Variants in FBXO36 observed in about 807,000 individuals in gnomAD.
The protein encoded by FBXO36 is F-box only protein 36.
A neutral mutation model predicts 17.0 loss-of-function variants in FBXO36; 18 were observed. The observed-to-expected ratio is 1.06, with a 90% CI of 0.73 to 1.57. FBXO36 has a LOEUF of 1.57. FBXO36 is among the 40% of genes most tolerant of loss of function. The probability of loss-of-function intolerance (pLI) is 0.00; values close to 1 mark genes in which losing one functional copy is unlikely to be tolerated. For missense variants in FBXO36, 229 were observed against 221.9 expected, an observed-to-expected ratio of 1.03 and a Z score of -0.20; for synonymous variants, 83 against 85.3, an observed-to-expected ratio of 0.97 and a Z score of 0.15.
intron 2 of FBXO36, among the ~76,000 whole-genome samples, chr2:229,990,488 A>T (rs2077292850): frequency 6.6e-6 from 1 of 152,090 alleles, no homozygotes; most frequent in African/African-American, 2.4e-5. Context: ...TAATTTCTAT[A>T]CTTTTGAGAT....
rs927453995 is a variant in FBXO36 at position 229,984,446 on chromosome 2, A to G, written c.205+8097A>G. ...CGCTCTGTCGCCCGGGCTGGAGTGC[A>G]GTGGCGTGATCTCGGCTCACTGCAA... On this transcript the variant is annotated intron_variant, in intron 2 of 3. Transcript: ENST00000283946. 3.2e-5 allele frequency among the ~76,000 whole-genome samples: 3 copies of G among 93,292 alleles called. No individual in the cohort carries two copies. In the East Asian group the frequency reaches 1.1e-3, roughly 34 times the overall value. 61.2% of individuals were successfully genotyped at this position (93,292 alleles called of 152,430 possible). A position where few individuals can be genotyped will look rare whatever the true frequency, so the allele number is the denominator to read the frequency against.
At chr2:229,997,152 G>A (rs1174083393) in intron 3 of FBXO36, among the ~76,000 whole-genome samples, 1 of 151,920 alleles carries the variant, frequency 6.6e-6, no homozygotes, top group Non-Finnish European at 1.5e-5. Flanking sequence ...TTCAACAAGG[G>A]ATGTGTATGC....
Position 229,976,361 on chromosome 2 carries a change from A to G in FBXO36, c.205+12A>G. The G allele has an allele frequency of 1.3e-6, 2 of 1,543,560 alleles. No homozygotes were observed. Among genetic ancestry groups the G allele is most frequent in the South Asian group, 1.1e-5 (1 of 89,438 alleles). ...TTCACATCTTCAAGGTAAGGAACGGAACATATTATATACCCCTGTTAAGTT... is the reference window on the plus strand; with the variant it reads ...TTCACATCTTCAAGGTAAGGAACGGGACATATTATATACCCCTGTTAAGTT... On this transcript the variant is annotated intron_variant, in intron 2 of 3. Transcript: ENST00000283946.
intron 1 of FBXO36, among the ~76,000 whole-genome samples, chr2:229,941,740 G>A (rs1215294814): frequency 6.6e-6 from 1 of 152,168 alleles, no homozygotes; most frequent in African/African-American, 2.4e-5. Context: ...TTTCAGGCCT[G>A]GCGCGGTAGC....
At chr2:229,987,682 G>A (rs1347191186) in intron 2 of FBXO36, among the ~76,000 whole-genome samples, 2 of 151,888 alleles carry the variant, frequency 1.3e-5, no homozygotes, top group African/African-American at 4.8e-5. Flanking sequence ...CCAGGCTGGA[G>A]TGCAGTGGTG....
intron 3 of FBXO36, 90 bp downstream of exon 3, chr2:229,997,013 A>T: frequency 8.5e-7 from 1 of 1,183,108 alleles, no homozygotes; most frequent in Non-Finnish European, 1.2e-6. Context: ...TTGAGTACTA[A>T]CTTTGTGATG....
chr2:229,992,911 G>A (rs1259736050), intron 2 of FBXO36, among the ~76,000 whole-genome samples: 1 of 152,100 alleles, frequency 6.6e-6, no homozygotes, highest in Non-Finnish European at 1.5e-5. Flanking sequence ...TTGGCAGGAG[G>A]TTTCAATTTC....
intron 1 of FBXO36, among the ~76,000 whole-genome samples, chr2:229,972,463 GT>G (rs2077185756): frequency 6.6e-6 from 1 of 152,180 alleles, no homozygotes; most frequent in South Asian, 2.1e-4. Flanking sequence ...AAAAAATATG[GT>G]TCTGACCTCC....
Position 229,970,631 on chromosome 2 carries a change from C to A in FBXO36, c.97-5610C>A, listed in dbSNP as rs529900740. On this transcript the variant is annotated intron_variant, in intron 1 of 3. Coordinates refer to ENST00000283946, the MANE Select transcript of FBXO36 (RefSeq NM_174899.5). ...CTGTTATCACCAATGTTCTTGATGT[C>A]ACAGAGGACAATATTCCGTGTGAAA... is the stretch of plus-strand genomic sequence containing the variant. Among the ~76,000 whole-genome samples the A allele has an allele frequency of 2.6e-5, 4 of 152,236 alleles. No individual in the cohort carries two copies. In the South Asian group the frequency reaches 8.3e-4, roughly 32 times the overall value.
At chr2:230,005,136 G>A (rs763191429) in intron 3 of FBXO36, among the ~76,000 whole-genome samples, 2 of 152,082 alleles carry the variant, frequency 1.3e-5, no homozygotes, top group South Asian at 2.1e-4. Context: ...TCATCTTGCT[G>A]TGTCACCCAG....
At chr2:229,990,263 A>C (rs1228276788) in intron 2 of FBXO36, among the ~76,000 whole-genome samples, 1 of 149,262 alleles carries the variant, frequency 6.7e-6, no homozygotes, top group Non-Finnish European at 1.5e-5. Flanking sequence ...TAATATATAT[A>C]ACACACACAC....
intron 3 of FBXO36, among the ~76,000 whole-genome samples, chr2:230,000,515 T>A (rs931676138): frequency 1.3e-5 from 2 of 152,046 alleles, no homozygotes; most frequent in Non-Finnish European, 2.9e-5. Context: ...ATCCTTCCAT[T>A]TACTTTCAGT....
chr2:229,977,565 C>A (rs2077215931), intron 2 of FBXO36, among the ~76,000 whole-genome samples: 1 of 152,096 alleles, frequency 6.6e-6, no homozygotes, highest in South Asian at 2.1e-4. Context: ...ATTCTTGTGC[C>A]TCAGCCTCCC....
intron 1 of FBXO36, among the ~76,000 whole-genome samples, chr2:229,974,416 A>G (rs143771431): frequency 2.9e-4 from 44 of 152,306 alleles, no homozygotes; most frequent in African/African-American, 1.0e-3. Flanking sequence ...GCGTCCCTCC[A>G]GTGGCCATTG....
Position 229,958,460 on chromosome 2 carries a change from G to A in FBXO36, c.97-17781G>A, listed in dbSNP as rs545174437. On this transcript the variant is annotated intron_variant, in intron 1 of 3. Transcript: ENST00000283946. ...TAATTTTTGTATTTTTAGTAGAGAC[G>A]GGGTTTCAACATATTGGCCAGGCTG... Among the ~76,000 whole-genome samples, 49 of 152,000 alleles carry A rather than the reference G, an allele frequency of 3.2e-4. 1 individual carries two copies. The highest frequency in any genetic ancestry group is 1.1e-3 in the African/African-American group (47 of 41,478).
intron 1 of FBXO36, among the ~76,000 whole-genome samples, chr2:229,965,147 C>CTT (rs34600346): frequency 0.014 from 1,637 of 121,150 alleles, 48 homozygotes; most frequent in Non-Finnish European, 0.02. Flanking sequence ...TTCTTCCTTC[C>CTT]TTTTTTTTTT....
chr2:229,955,647 C>G (rs1421038113), intron 1 of FBXO36, among the ~76,000 whole-genome samples: 2 of 152,092 alleles, frequency 1.3e-5, no homozygotes, highest in Non-Finnish European at 2.9e-5. Context: ...AAAACAATGC[C>G]CTCTGTGTTT....
intron 1 of FBXO36, among the ~76,000 whole-genome samples, chr2:229,953,512 C>A (rs1414009699): frequency 1.3e-5 from 2 of 150,836 alleles, no homozygotes; most frequent in Non-Finnish European, 3.0e-5. Context: ...CTCATCTCTA[C>A]CAAAAATTAA....
At chr2:229,927,070 G>C (rs2076916769) in intron 1 of FBXO36, among the ~76,000 whole-genome samples, 1 of 149,268 alleles carries the variant, frequency 6.7e-6, no homozygotes, top group Admixed American at 6.7e-5. Context: ...ATGTTGGCCA[G>C]GCTGATCTTG....
Sources: allele counts gnomAD v4.1 joint callset (sites outside exome capture counted in the v4.1 genomes callset), GRCh38; gene constraint gnomAD v4.1.1; transcripts MANE v1.5; gene names NCBI Gene and HGNC (gene_info 2026-07-23, HGNC 2026-07-21).